Variants in SHISA9 observed in about 807,000 individuals in gnomAD.
SHISA9 encodes the protein protein shisa-9.
In SHISA9, 13 loss-of-function variants were observed where a neutral mutation model predicts 38.0. That is an observed-to-expected ratio of 0.34 (90% CI 0.22 to 0.54). The LOEUF (loss-of-function observed/expected upper bound fraction) is 0.54. Among genes scored for constraint, SHISA9 ranks in the 20% least tolerant of loss-of-function variants. The pLI is 0.91. For synonymous variants in SHISA9, 275 were observed against 242.0 expected, an observed-to-expected ratio of 1.14 and a Z score of -1.27; for missense variants, 538 against 575.8, an observed-to-expected ratio of 0.93 and a Z score of 0.67.
At chr16:12,933,509 G>C (rs2071488417) in intron 2 of SHISA9, among the ~76,000 whole-genome samples, 1 of 152,124 alleles carries the variant, frequency 6.6e-6, no homozygotes, top group Admixed American at 6.5e-5. Context: ...GGCCAGGCTG[G>C]TCTGGATTCC....
At chr16:13,016,560 G>T (rs2072759762) in intron 2 of SHISA9, among the ~76,000 whole-genome samples, 2 of 152,046 alleles carry the variant, frequency 1.3e-5, no homozygotes, top group Admixed American at 6.6e-5. Flanking sequence ...TTTGGTAGTG[G>T]TTTTTTGTTG....
chr16:13,389,542 A>G, the SHISA9 span, among the ~76,000 whole-genome samples: 8 of 152,200 alleles, frequency 5.3e-5, no homozygotes, highest in African/African-American at 1.7e-4. Context: ...GTCTGGATGT[A>G]CCACAGTTTA....
chr16:12,997,102 A>AC (rs1289493766), intron 2 of SHISA9, among the ~76,000 whole-genome samples: 1 of 151,618 alleles, frequency 6.6e-6, no homozygotes, highest in Non-Finnish European at 1.5e-5. Flanking sequence ...CATTTTCATC[A>AC]CCCCCCAAAT....
At chr16:12,964,508 G>C (rs1398524541) in intron 2 of SHISA9, among the ~76,000 whole-genome samples, 1 of 152,024 alleles carries the variant, frequency 6.6e-6, no homozygotes, top group East Asian at 1.9e-4. Flanking sequence ...GTTAATGTCA[G>C]CAAGTTTTTC....
intron 2 of SHISA9, among the ~76,000 whole-genome samples, chr16:12,956,762 C>T (rs2071840867): frequency 6.6e-6 from 1 of 152,092 alleles, no homozygotes; most frequent in South Asian, 2.1e-4. Flanking sequence ...TGAAAAATTA[C>T]CTATTGGGTA....
chr16:13,179,217 G>T (rs573535144), intron 2 of SHISA9, among the ~76,000 whole-genome samples: 19 of 152,156 alleles, frequency 1.2e-4, no homozygotes. Context: ...TATTCAGGAG[G>T]CTGAGGCGGG....
downstream of SHISA9, among the ~76,000 whole-genome samples, chr16:13,240,848 T>C (rs943999958): frequency 6.6e-6 from 1 of 151,406 alleles, no homozygotes; most frequent in African/African-American, 2.4e-5. Flanking sequence ...TCTGGTAGCA[T>C]AGAGTTTGAA....
At chr16:13,092,509 T>C (rs1184262243) in intron 2 of SHISA9, among the ~76,000 whole-genome samples, 1 of 152,234 alleles carries the variant, frequency 6.6e-6, no homozygotes, top group Non-Finnish European at 1.5e-5. Context: ...TTTGTTTACC[T>C]ACTCAAGCCT....
chr16:13,246,131 T>C, the SHISA9 span, among the ~76,000 whole-genome samples: 1 of 152,258 alleles, frequency 6.6e-6, no homozygotes, highest in African/African-American at 2.4e-5. Context: ...CTTGGCTGCT[T>C]CCCCACCCAA....
the SHISA9 span, among the ~76,000 whole-genome samples, chr16:13,316,339 A>G: frequency 6.6e-6 from 1 of 151,834 alleles, no homozygotes; most frequent in Non-Finnish European, 1.5e-5. Context: ...TGTCTAGGGG[A>G]TTCTGTGTGT....
chr16:13,445,723 G>A, the SHISA9 span, among the ~76,000 whole-genome samples: 1 of 152,152 alleles, frequency 6.6e-6, no homozygotes, highest in African/African-American at 2.4e-5. Context: ...ACAATATACT[G>A]AAGCAGTAGG....
chr16:13,195,469 C>G (rs1399712100), intron 2 of SHISA9, among the ~76,000 whole-genome samples: 1 of 152,166 alleles, frequency 6.6e-6, no homozygotes, highest in Non-Finnish European at 1.5e-5. Context: ...GACAAATCTT[C>G]CATGAGGAAT....
chr16:13,008,716 T>C (rs2072632840), intron 2 of SHISA9, among the ~76,000 whole-genome samples: 1 of 141,774 alleles, frequency 7.1e-6, no homozygotes, highest in Admixed American at 7.2e-5. Context: ...TTGTAAGATA[T>C]GCCTTGCTTC....
intron 2 of SHISA9, among the ~76,000 whole-genome samples, chr16:12,926,948 C>G (rs2071400114): frequency 6.6e-6 from 1 of 152,138 alleles, no homozygotes; most frequent in African/African-American, 2.4e-5. Flanking sequence ...AAGGACCACA[C>G]TGCTTTTGGT....
chr16:12,905,728 A>G (rs915838108), intron 1 of SHISA9, among the ~76,000 whole-genome samples: 5 of 151,756 alleles, frequency 3.3e-5, no homozygotes, highest in Admixed American at 2.0e-4. Context: ...ACTGGCTGGG[A>G]CTACAGGCAT....
chr16:13,208,519 A>G lies in SHISA9; in HGVS notation c.848-4734A>G, dbSNP rs182277363. On this transcript the variant is annotated intron_variant, in intron 3 of 4. Transcript: ENST00000558583. ...TGCCATGGCGCAATCTCGGCTCACC[A>G]CAACCGCCGCCTCCTGGGTTCAAGC... Among the ~76,000 whole-genome samples the G allele has an allele frequency of 1.5e-3, 203 of 138,844 alleles. 1 individual carries two copies. Among genetic ancestry groups the G allele is most frequent in the African/African-American group, 5.0e-3 (181 of 36,206 alleles). The allele number at this position is 138,844 out of a possible 152,430, so 91.1% of individuals were successfully genotyped here. A position where few individuals can be genotyped will look rare whatever the true frequency, so the allele number is the denominator to read the frequency against.
intron 2 of SHISA9, among the ~76,000 whole-genome samples, chr16:12,989,911 A>T (rs1452402344): frequency 6.6e-6 from 1 of 152,020 alleles, no homozygotes; most frequent in African/African-American, 2.4e-5. Context: ...CGCATTAGCT[A>T]TTCTTCCTGA....
the SHISA9 span, among the ~76,000 whole-genome samples, chr16:13,300,747 G>C: frequency 1.1e-4 from 16 of 152,010 alleles, no homozygotes; most frequent in Admixed American, 1.0e-3. Flanking sequence ...CATTCAAAGA[G>C]ACCAGGTTTC....
the SHISA9 span, among the ~76,000 whole-genome samples, chr16:13,322,359 T>A: frequency 6.6e-6 from 1 of 152,234 alleles, no homozygotes; most frequent in African/African-American, 2.4e-5. Context: ...TAGCCAGACA[T>A]CTGCATAATG....
Sources: gnomAD v4.1 joint callset for allele counts (sites outside exome capture counted in the v4.1 genomes callset) on GRCh38, gnomAD v4.1.1 for gene constraint, MANE v1.5 for transcripts, NCBI Gene and HGNC (gene_info 2026-07-23, HGNC 2026-07-21) for gene names.